The following MYO19 variants were observed in gnomAD, a reference collection of about 807,000 sequenced individuals.
MYO19 encodes the protein unconventional myosin-XIX.
Under a neutral mutation model 129.2 loss-of-function variants are expected in MYO19, and 132 were observed. The observed-to-expected ratio is 1.02, with a 90% CI of 0.89 to 1.18. The LOEUF (loss-of-function observed/expected upper bound fraction) is 1.18. MYO19 is among the 50% of genes most tolerant of loss of function. MYO19 has a pLI of 0.00. For missense variants in MYO19, 1,210 were observed against 1,216.7 expected, an observed-to-expected ratio of 0.99 and a Z score of 0.08; for synonymous variants, 531 against 477.2, an observed-to-expected ratio of 1.11 and a Z score of -1.47.
upstream of MYO19, chr17:36,538,717 T>A (rs2142623795): frequency 1.0e-5 from 10 of 996,660 alleles, no homozygotes; most frequent in Non-Finnish European, 1.5e-5. Context: ...CATATTTTAT[T>A]ATAAAATAGT....
intron 2 of MYO19, chr17:36,533,281 T>C (rs2073937261): frequency 6.6e-6 from 1 of 152,298 alleles, no homozygotes; most frequent in Non-Finnish European, 1.5e-5. Flanking sequence ...ATAAACACTG[T>C]TAGCACTACG....
At chr17:36,532,200 T>C (rs1248556459) in intron 3 of MYO19, among the ~76,000 whole-genome samples, 2 of 152,184 alleles carry the variant, frequency 1.3e-5, no homozygotes, top group Non-Finnish European at 2.9e-5. Flanking sequence ...ACACATCCTC[T>C]TGGAAGCCCC....
Position 36,543,165 on chromosome 17 carries a change from A to T in MYO19, n.271T>A, listed in dbSNP as rs190334540. 2.7e-3 allele frequency: 414 copies of T among 151,694 alleles called. 2 individuals are homozygous for T. The highest frequency in any genetic ancestry group is 0.014 in the Middle Eastern group (4 of 294). 9.4% of individuals were successfully genotyped at this position (151,694 alleles called of 1,614,324 possible). A position where few individuals can be genotyped will look rare whatever the true frequency, so the allele number is the denominator to read the frequency against. Reference sequence around the variant, plus strand: ...AACATGGCCAGAAGACATAAAAAAAATTTTTTTTTGAGACGTAGTTTCACT... The same window carrying T: ...AACATGGCCAGAAGACATAAAAAAATTTTTTTTTTGAGACGTAGTTTCACT... On this transcript the variant is annotated non_coding_transcript_exon_variant, in exon 1 of 3. Transcript: ENST00000610496.
intron 19 of MYO19, 69 bp from the exon 20 acceptor site, chr17:36,504,089 C>T (rs1227373130): frequency 3.1e-6 from 4 of 1,311,146 alleles, no homozygotes; most frequent in South Asian, 2.9e-5. Flanking sequence ...GCCATTCTCT[C>T]AGCCCTTCTT....
upstream of MYO19, chr17:36,537,818 C>T: frequency 1.2e-6 from 2 of 1,614,086 alleles, no homozygotes; most frequent in Non-Finnish European, 1.7e-6. Context: ...GGAACTTTTT[C>T]TTTACCATAA....
At chr17:36,529,149 C>T (rs983471775) in intron 3 of MYO19, among the ~76,000 whole-genome samples, 1 of 150,782 alleles carries the variant, frequency 6.6e-6, no homozygotes, top group African/African-American at 2.5e-5. Context: ...CCTCCCTTGC[C>T]TATCTTTTTT....
chr17:36,527,747 C>T, intron 4 of MYO19, 48 bp from the exon 5 acceptor site: 4 of 1,575,626 alleles, frequency 2.5e-6, no homozygotes, highest in Non-Finnish European at 3.5e-6. Context: ...TATAGTCAAA[C>T]CACACACACA....
At chr17:36,522,071 T>G (rs1445178647) in intron 6 of MYO19, among the ~76,000 whole-genome samples, 9 of 122,954 alleles carry the variant, frequency 7.3e-5, no homozygotes, top group Non-Finnish European at 1.4e-4. Flanking sequence ...AAAAAGAAAA[T>G]AAAGTCTCTA....
intron 6 of MYO19, among the ~76,000 whole-genome samples, chr17:36,524,451 G>A (rs1170604458): frequency 6.6e-6 from 1 of 152,234 alleles, no homozygotes; most frequent in Non-Finnish European, 1.5e-5. Context: ...GAAAGGGCGA[G>A]GCAGCTGGGT....
upstream of MYO19, chr17:36,538,427 A>G (rs1343204246): frequency 6.2e-7 from 1 of 1,614,042 alleles, no homozygotes; most frequent in Non-Finnish European, 8.5e-7. Context: ...GTTTAATCAC[A>G]GCTCTAAACA....
intron 3 of MYO19, among the ~76,000 whole-genome samples, chr17:36,530,675 C>T (rs1034985979): frequency 2.6e-5 from 4 of 151,472 alleles, no homozygotes; most frequent in Non-Finnish European, 4.4e-5. Context: ...GGCTGGAGTG[C>T]AGTGGCACAA....
chr17:36,531,161 G>A (rs1019131258), intron 3 of MYO19, among the ~76,000 whole-genome samples: 1 of 152,000 alleles, frequency 6.6e-6, no homozygotes, highest in Non-Finnish European at 1.5e-5. Flanking sequence ...TTGGGAGGCC[G>A]AGGTGGGTGG....
intron 21 of MYO19, among the ~76,000 whole-genome samples, chr17:36,502,375 T>C (rs1599232132): frequency 6.6e-6 from 1 of 152,280 alleles, no homozygotes; most frequent in East Asian, 1.9e-4. Flanking sequence ...TGAACCTCTT[T>C]TCCTCTTGCT....
intron 1 of MYO19, chr17:36,542,294 CTTCT>C (rs1218525145): frequency 6.6e-6 from 1 of 152,140 alleles, no homozygotes; most frequent in African/African-American, 2.4e-5. Flanking sequence ...TGAATACTCC[CTTCT>C]TTGTTAGTAC....
intron 6 of MYO19, among the ~76,000 whole-genome samples, chr17:36,520,141 A>T (rs370844153): frequency 6.8e-4 from 103 of 151,886 alleles, no homozygotes; most frequent in African/African-American, 2.2e-3. Flanking sequence ...TGCCCTGCTA[A>T]TTTTTTGTAT....
At chr17:36,539,780 C>T (rs2074187204), upstream of MYO19, among the ~76,000 whole-genome samples, 1 of 151,972 alleles carries the variant, frequency 6.6e-6, no homozygotes, top group Non-Finnish European at 1.5e-5. Context: ...GTGGAGGAAA[C>T]AGACATTAAA....
rs765923229 is a variant in MYO19, at chr17:36,506,999, C to T, written c.1608G>A (p.Val536=). ...CCACCAGGCCTGCTGTGTGGTACCG[C>T]ACAGGCCCCGCATAATGCACCACAA... ...SFIVVHYAGP[V]RYHTAGLVEK... The change falls in exon 17 of 26, where the codon GTG becomes GTA. Residue 536 remains valine, a synonymous_variant. Transcript: ENST00000614623. The T allele has an allele frequency of 8.2e-5, 132 of 1,611,426 alleles. No homozygotes were observed. The highest frequency in any genetic ancestry group is 1.1e-4 in the Non-Finnish European group (130 of 1,178,112).
At chr17:36,502,550 C>T (rs1008876960) in intron 21 of MYO19, among the ~76,000 whole-genome samples, 3 of 152,202 alleles carry the variant, frequency 2.0e-5, no homozygotes, top group Non-Finnish European at 2.9e-5. Context: ...AATCCCACAG[C>T]CCTCCATGGT....
intron 21 of MYO19, chr17:36,502,885 C>G (rs537294424): frequency 1.7e-6 from 1 of 599,010 alleles, no homozygotes; most frequent in Admixed American, 3.0e-5. Context: ...ATTCACACCT[C>G]CCTAGCACCA....
Sources: allele counts gnomAD v4.1 joint callset (sites outside exome capture counted in the v4.1 genomes callset), GRCh38; gene constraint gnomAD v4.1.1; transcripts MANE v1.5; gene names NCBI Gene and HGNC (gene_info 2026-07-23, HGNC 2026-07-21).